MACROD2: variants seen among roughly 807,000 people sequenced by gnomAD.
MACROD2 encodes the protein ADP-ribose glycohydrolase MACROD2.
MACROD2 carries 36 observed loss-of-function variants against 70.4 expected under a neutral mutation model. The ratio of observed to expected loss-of-function variants is 0.51; its 90% confidence interval spans 0.39 to 0.68. The LOEUF is 0.68. Among genes scored for constraint, MACROD2 ranks in the 30% least tolerant of loss-of-function variants. MACROD2 has a pLI of 0.00. For missense variants in MACROD2, 496 were observed against 538.4 expected (o/e 0.92, Z 0.78); for synonymous variants, 172 against 178.8 (o/e 0.96, Z 0.30).
intron 3 of MACROD2, among the ~76,000 whole-genome samples, chr20:14,378,696 A>G (rs1359298741): frequency 1.3e-5 from 2 of 150,972 alleles, no homozygotes; most frequent in Non-Finnish European, 3.0e-5. Context: ...GTGTAGAAGC[A>G]TGAAGGAGTT....
intron 5 of MACROD2, among the ~76,000 whole-genome samples, chr20:14,874,408 G>GA (rs777351273): frequency 2.3e-3 from 228 of 99,750 alleles, no homozygotes; most frequent in African/African-American, 3.6e-3. Context: ...GGTCTGGTAA[G>GA]AAAAAAAAAA....
intron 4 of MACROD2, among the ~76,000 whole-genome samples, chr20:14,619,222 T>C (rs1309983086): frequency 6.6e-6 from 1 of 151,762 alleles, no homozygotes; most frequent in Non-Finnish European, 1.5e-5. Context: ...TTTTTATCCA[T>C]GAACTCTGTT....
intron 2 of MACROD2, among the ~76,000 whole-genome samples, chr20:14,058,924 G>A (rs745568870): frequency 2.0e-5 from 3 of 152,122 alleles, no homozygotes; most frequent in Non-Finnish European, 4.4e-5. Context: ...TTACAGGCTT[G>A]AGCCACTGCG....
At chr20:15,270,748 G>A (rs1366643840) in intron 6 of MACROD2, among the ~76,000 whole-genome samples, 1 of 152,058 alleles carries the variant, frequency 6.6e-6, no homozygotes, top group Non-Finnish European at 1.5e-5. Context: ...AGAAATACCA[G>A]AATATTTATA....
At chr20:16,024,097 G>A (rs539871152) in intron 15 of MACROD2, among the ~76,000 whole-genome samples, 14 of 152,132 alleles carry the variant, frequency 9.2e-5, no homozygotes, top group East Asian at 1.9e-4. Context: ...TCTTAATTGC[G>A]GCATTGATTA....
At chr20:15,411,435 C>G (rs2046078057) in intron 6 of MACROD2, among the ~76,000 whole-genome samples, 1 of 152,138 alleles carries the variant, frequency 6.6e-6, no homozygotes, top group Non-Finnish European at 1.5e-5. Context: ...TGTTTGTTAT[C>G]CCGTCATCAA....
chr20:15,841,015 T>C (rs2064164281), intron 8 of MACROD2, among the ~76,000 whole-genome samples: 1 of 152,202 alleles, frequency 6.6e-6, no homozygotes, highest in Non-Finnish European at 1.5e-5. Flanking sequence ...ACCTCAAAGT[T>C]GTATTTCACT....
At position 15,280,381 on chromosome 20, in the gene MACROD2, T is replaced by C. The variant is rs1345212512; in HGVS notation, c.540+50320T>C. 2.6e-5 allele frequency among the ~76,000 whole-genome samples: 4 copies of C among 152,218 alleles called. No individual in the cohort carries two copies. In the East Asian group the frequency reaches 5.8e-4, roughly 22 times the overall value. ...TAATAGTCACAGACTAAATATCTTATATTCATTCTGCAGACATCTCAGTTA... is the reference window on the plus strand; with the variant it reads ...TAATAGTCACAGACTAAATATCTTACATTCATTCTGCAGACATCTCAGTTA... On this transcript the variant is annotated intron_variant, in intron 6 of 17. Transcript: ENST00000684519.
At chr20:14,805,797 G>A (rs2072631949) in intron 5 of MACROD2, among the ~76,000 whole-genome samples, 1 of 151,960 alleles carries the variant, frequency 6.6e-6, no homozygotes, top group Non-Finnish European at 1.5e-5. Flanking sequence ...AAGAGCAATG[G>A]CTTAGCTAGA....
At position 16,051,322 on chromosome 20, in the gene MACROD2, A is replaced by G. The variant is rs373309327; in HGVS notation, c.*1446A>G. 4.6e-5 allele frequency: 7 copies of G among 152,326 alleles called. No homozygotes were observed. The highest frequency in any genetic ancestry group is 2.6e-4 in the Admixed American group (4 of 15,294). 9.4% of individuals were successfully genotyped at this position (152,326 alleles called of 1,614,324 possible). On this transcript the variant is annotated 3_prime_UTR_variant, in exon 18 of 18. Coordinates refer to ENST00000684519, the MANE Select transcript of MACROD2 (RefSeq NM_001351661.2). ...TAAAAGGATGTTCTGCTTTCTAAATATCCCATCAAAATCTTCAGTTTTGCA... is the reference window on the plus strand; with the variant it reads ...TAAAAGGATGTTCTGCTTTCTAAATGTCCCATCAAAATCTTCAGTTTTGCA...
intron 5 of MACROD2, among the ~76,000 whole-genome samples, chr20:14,799,585 G>A (rs1330146832): frequency 1.3e-5 from 2 of 152,006 alleles, no homozygotes; most frequent in Admixed American, 1.3e-4. Flanking sequence ...TGGCATTGCC[G>A]CTAATGTGTT....
At chr20:15,065,295 A>G (rs896934899) in intron 5 of MACROD2, among the ~76,000 whole-genome samples, 1 of 152,184 alleles carries the variant, frequency 6.6e-6, no homozygotes, top group Non-Finnish European at 1.5e-5. Flanking sequence ...ATGGAAGAAG[A>G]AAAAAAGTAC....
chr20:15,276,171 C>T lies in MACROD2; in HGVS notation c.540+46110C>T, dbSNP rs551677513. On this transcript the variant is annotated intron_variant, in intron 6 of 17. Coordinates refer to ENST00000684519, the MANE Select transcript of MACROD2 (RefSeq NM_001351661.2). The stretch of plus-strand genomic sequence containing the variant: ...GTCCCAGCACTTTGGGAGGCCGAGG[C>T]GGGCGGATCACAAGGTCAGGAGATC... 7.2e-5 allele frequency among the ~76,000 whole-genome samples: 11 copies of T among 152,094 alleles called. No homozygotes were observed. The East Asian group carries it at 7.7e-4, about 11-fold the overall frequency.
intron 13 of MACROD2, among the ~76,000 whole-genome samples, chr20:15,978,612 C>A (rs2066348439): frequency 6.9e-6 from 1 of 144,334 alleles, no homozygotes; most frequent in African/African-American, 2.5e-5. Context: ...CTCTCTCTCT[C>A]TCTCGTTCTT....
In MACROD2 at chr20:15,165,092, A is replaced by G. The variant is rs111972280; in HGVS notation, c.419-64848A>G. Among the ~76,000 whole-genome samples the G allele has an allele frequency of 2.3e-3, 354 of 152,268 alleles. 2 individuals are homozygous for G. The highest frequency in any genetic ancestry group is 8.2e-3 in the African/African-American group (339 of 41,558). ...CTGAGATTGATCAACAAATATATATATAATAGGAGTGAAAATTAAAATATA... is the reference window on the plus strand; with the variant it reads ...CTGAGATTGATCAACAAATATATATGTAATAGGAGTGAAAATTAAAATATA... On this transcript the variant is annotated intron_variant, in intron 5 of 17. Transcript: ENST00000684519.
intron 3 of MACROD2, among the ~76,000 whole-genome samples, chr20:14,417,358 C>A (rs997445830): frequency 1.3e-5 from 2 of 152,088 alleles, no homozygotes; most frequent in African/African-American, 4.8e-5. Context: ...ATGAAATGTT[C>A]TTAAAAGAAA....
intron 8 of MACROD2, among the ~76,000 whole-genome samples, chr20:15,658,537 T>C (rs2049768222): frequency 6.6e-6 from 1 of 152,084 alleles, no homozygotes; most frequent in Non-Finnish European, 1.5e-5. Context: ...GAAGTGAGGT[T>C]GGTCAGGAGG....
intron 6 of MACROD2, among the ~76,000 whole-genome samples, chr20:15,235,192 T>C (rs973762844): frequency 2.0e-5 from 3 of 152,182 alleles, no homozygotes; most frequent in African/African-American, 7.2e-5. Context: ...AAAAACATAA[T>C]CTGCATATAA....
chr20:14,282,013 C>T (rs1601432241), intron 3 of MACROD2, among the ~76,000 whole-genome samples: 1 of 145,046 alleles, frequency 6.9e-6, no homozygotes, highest in Non-Finnish European at 1.5e-5. Context: ...TTATGAAAAA[C>T]AAATGTGTAT....
Sources: gnomAD v4.1 joint callset for allele counts (sites outside exome capture counted in the v4.1 genomes callset) on GRCh38, gnomAD v4.1.1 for gene constraint, MANE v1.5 for transcripts, NCBI Gene and HGNC (gene_info 2026-07-23, HGNC 2026-07-21) for gene names.